Variants in SOBP observed in about 807,000 individuals in gnomAD.
The protein encoded by SOBP is sine oculis-binding protein homolog.
In SOBP, 4 loss-of-function variants were observed where a neutral mutation model predicts 53.6. The ratio of observed to expected loss-of-function variants is 0.07; its 90% CI spans 0.04 to 0.17. The LOEUF is 0.17. SOBP is among the 10% of genes least tolerant of loss of function. The pLI is 1.00. For synonymous variants in SOBP, 584 were observed against 522.6 expected, an observed-to-expected ratio of 1.12 and a Z score of -1.60; for missense variants, 1,088 against 1,204.7, an observed-to-expected ratio of 0.90 and a Z score of 1.43.
At chr6:107,544,826 CATT>C (rs1784250557) in intron 4 of SOBP, among the ~76,000 whole-genome samples, 1 of 152,196 alleles carries the variant, frequency 6.6e-6, no homozygotes, top group Non-Finnish European at 1.5e-5. Flanking sequence ...TTCATTCATT[CATT>C]CATTCTACCA....
Position 107,634,440 on chromosome 6 carries a change from C to T in SOBP, c.1596C>T (p.Pro532=), listed in dbSNP as rs370863576. 1.2e-6 allele frequency: 2 copies of T among 1,608,890 alleles called. No individual in the cohort carries two copies. The highest frequency in any genetic ancestry group is 2.2e-5 in the East Asian group (1 of 44,808). The change falls in exon 6 of 7, where the codon CCC becomes CCT. Residue 532 remains proline (P), a synonymous_variant. Transcript: ENST00000317357. This position sits in a 1 kb window ranked among gnomAD's most constrained non-coding sequence, Gnocchi z 4.5. Reference sequence around the variant, plus strand: ...TCGTGCCGTACCCCGTGATCGTGCCCCTACCGGTGCCCATCCCCATCCCCA... The same window carrying T: ...TCGTGCCGTACCCCGTGATCGTGCCTCTACCGGTGCCCATCCCCATCCCCA... The part of the protein sequence containing the change: ...TLLVPYPVIV[P]LPVPIPIPIP...
chr6:107,565,323 A>G (rs1305536297), intron 4 of SOBP, among the ~76,000 whole-genome samples: 1 of 152,172 alleles, frequency 6.6e-6, no homozygotes, highest in Non-Finnish European at 1.5e-5. Flanking sequence ...CTGCCGTAGA[A>G]TCTGTCTGCA....
chr6:107,629,053 C>G (rs1386184473), intron 5 of SOBP, among the ~76,000 whole-genome samples: 1 of 152,172 alleles, frequency 6.6e-6, no homozygotes, highest in Non-Finnish European at 1.5e-5. Flanking sequence ...AGTCAACATG[C>G]CAAGGCCCAG....
At chr6:107,565,196 A>G (rs9480783) in intron 4 of SOBP, among the ~76,000 whole-genome samples, 2,345 of 152,344 alleles carry the variant, frequency 0.015, 53 homozygotes, top group African/African-American at 0.054. Flanking sequence ...TCATCTGCTC[A>G]GGACTCAGTG....
At chr6:107,559,073 A>G (rs1784701914) in intron 4 of SOBP, among the ~76,000 whole-genome samples, 1 of 152,138 alleles carries the variant, frequency 6.6e-6, no homozygotes, top group Non-Finnish European at 1.5e-5. Context: ...CTTGATAAGT[A>G]TTTGCTGAAT....
chr6:107,598,197 A>G (rs1049111097), intron 5 of SOBP, among the ~76,000 whole-genome samples: 8 of 152,240 alleles, frequency 5.3e-5, no homozygotes, highest in African/African-American at 1.9e-4. Flanking sequence ...TTTACAAACT[A>G]CGCTTATATG....
chr6:107,586,515 A>C (rs1785572133), intron 4 of SOBP, among the ~76,000 whole-genome samples: 1 of 124,612 alleles, frequency 8.0e-6, no homozygotes, highest in South Asian at 2.6e-4. Context: ...TTTTAAATTA[A>C]ATCTTTTTTT....
chr6:107,518,062 G>A (rs574058240), intron 3 of SOBP, among the ~76,000 whole-genome samples: 8 of 152,158 alleles, frequency 5.3e-5, no homozygotes, highest in Admixed American at 3.9e-4. Context: ...GAATGAAAAA[G>A]CAAATCACTG....
intron 5 of SOBP, among the ~76,000 whole-genome samples, chr6:107,598,468 T>C (rs1250401801): frequency 2.6e-5 from 4 of 152,162 alleles, no homozygotes; most frequent in African/African-American, 9.7e-5. Flanking sequence ...GTGCGCATCA[T>C]GCATATGGGG....
rs533458992 is a variant in SOBP, at chr6:107,539,971, T to A, written c.573+6361T>A. Among the ~76,000 whole-genome samples the A allele has an allele frequency of 5.3e-5, 8 of 152,322 alleles. No individual in the cohort carries two copies. The East Asian group carries it at 1.5e-3, about 29-fold the overall frequency. On this transcript the variant is annotated intron_variant, in intron 4 of 6. Coordinates refer to ENST00000317357, the MANE Select transcript of SOBP (RefSeq NM_018013.4). ...ATAAAAAACAGAGGAGGGAGAAGGT[T>A]CTGAGAGTGCTTGGTGAACTGTCCT...
At chr6:107,547,858 G>A (rs577703454) in intron 4 of SOBP, among the ~76,000 whole-genome samples, 3 of 152,258 alleles carry the variant, frequency 2.0e-5, no homozygotes, top group South Asian at 2.1e-4. Flanking sequence ...GTCATGCTTC[G>A]GGGTCCAAGT....
rs992295059 is a variant in SOBP at position 107,659,184 on chromosome 6, A to T, written c.*981A>T. ...GAAGTCAGTGAGACAATCTCTCTAT[A>T]TGCAGAGCCCTTTCATGATAATTAG... On this transcript the variant is annotated 3_prime_UTR_variant, in exon 7 of 7. Transcript: ENST00000317357. The T allele has an allele frequency of 6.6e-6, 1 of 152,656 alleles. No individual in the cohort carries two copies. Among genetic ancestry groups the T allele is most frequent in the Admixed American group, 6.5e-5 (1 of 15,290 alleles). 9.5% of individuals were successfully genotyped at this position (152,656 alleles called of 1,614,324 possible). A position where few individuals can be genotyped will look rare whatever the true frequency, so the allele number is the denominator to read the frequency against.
chr6:107,652,732 T>G (rs1464812875), intron 6 of SOBP, among the ~76,000 whole-genome samples: 2 of 152,164 alleles, frequency 1.3e-5, no homozygotes, highest in Non-Finnish European at 2.9e-5. Context: ...TTTAAGAAAT[T>G]GCCACAGCCA....
intron 4 of SOBP, among the ~76,000 whole-genome samples, chr6:107,543,773 A>G (rs1290722832): frequency 6.6e-6 from 1 of 152,214 alleles, no homozygotes; most frequent in Non-Finnish European, 1.5e-5. Flanking sequence ...ATTGAAAGAT[A>G]AAAATGTGGT....
At chr6:107,624,169 A>G (rs1562108229) in intron 5 of SOBP, among the ~76,000 whole-genome samples, 1 of 152,386 alleles carries the variant, frequency 6.6e-6, no homozygotes, top group East Asian at 1.9e-4. Context: ...GCTGAAAAGC[A>G]CATGCATTCT....
At chr6:107,594,720 C>T (rs1398254124) in intron 5 of SOBP, among the ~76,000 whole-genome samples, 1 of 152,226 alleles carries the variant, frequency 6.6e-6, no homozygotes, top group Non-Finnish European at 1.5e-5. Context: ...CTCCAATGAA[C>T]AAGCACTGTG....
chr6:107,554,960 T>G (rs75672557), intron 4 of SOBP, among the ~76,000 whole-genome samples: 1 of 152,308 alleles, frequency 6.6e-6, no homozygotes, highest in East Asian at 1.9e-4. Flanking sequence ...GTGCTGCAGT[T>G]AGTGGTTTTA....
At chr6:107,492,679 T>G (rs1393304021) in intron 1 of SOBP, among the ~76,000 whole-genome samples, 1 of 152,226 alleles carries the variant, frequency 6.6e-6, no homozygotes, top group Non-Finnish European at 1.5e-5. Flanking sequence ...GCTGCAGGAC[T>G]AAGTATGGAA....
intron 5 of SOBP, among the ~76,000 whole-genome samples, chr6:107,622,941 C>T (rs1431230651): frequency 3.3e-5 from 5 of 152,142 alleles, no homozygotes; most frequent in Non-Finnish European, 7.4e-5. Context: ...AATAATTCCC[C>T]CCCATGCCCT....
Sources: gnomAD v4.1 joint callset for allele counts (sites outside exome capture counted in the v4.1 genomes callset) on GRCh38, gnomAD v4.1.1 for gene constraint, Gnocchi (gnomAD v3.1) non-coding constraint, MANE v1.5 for transcripts, NCBI Gene and HGNC (gene_info 2026-07-23, HGNC 2026-07-21) for gene names.